Variants in BICRAL observed in about 807,000 individuals in gnomAD.
BICRAL encodes the protein BRD4-interacting chromatin-remodeling complex-associated protein-like.
BICRAL carries 8 observed loss-of-function variants against 91.8 expected under a neutral mutation model. The observed-to-expected ratio is 0.09, with a 90% CI of 0.05 to 0.16. The LOEUF (loss-of-function observed/expected upper bound fraction) is 0.16, where lower values mean the gene tolerates loss of function less well. Among genes scored for constraint, BICRAL ranks in the 10% least tolerant of loss-of-function variants. The pLI, the probability that BICRAL is intolerant of heterozygous loss-of-function variation, is 1.00. For missense variants in BICRAL, 1,038 were observed against 1,310.9 expected (o/e 0.79, Z 3.21); for synonymous variants, 445 against 491.1 (o/e 0.91, Z 1.24).
At chr6:42,819,029 C>T (rs181939941) in intron 2 of BICRAL, among the ~76,000 whole-genome samples, 1 of 152,290 alleles carries the variant, frequency 6.6e-6, no homozygotes, top group African/African-American at 2.4e-5. Context: ...GAGGGGAAGA[C>T]GTCTTGCTCA....
chr6:42,793,066 TGCCTCA>T (rs1315308171), intron 1 of BICRAL, among the ~76,000 whole-genome samples: 4 of 144,930 alleles, frequency 2.8e-5, no homozygotes, highest in Non-Finnish European at 6.0e-5. Context: ...GTGATTCTTG[TGCCTCA>T]GCCTCCCCAG....
At chr6:42,836,429 G>A (rs1764638607) in intron 6 of BICRAL, among the ~76,000 whole-genome samples, 1 of 152,168 alleles carries the variant, frequency 6.6e-6, no homozygotes, top group African/African-American at 2.4e-5. Flanking sequence ...TAGGTCAGTT[G>A]CATTATTTCA....
intron 1 of BICRAL, among the ~76,000 whole-genome samples, chr6:42,773,081 ATT>A (rs201696990): frequency 4.8e-5 from 7 of 144,536 alleles, no homozygotes; most frequent in Non-Finnish European, 4.6e-5. Context: ...GAGTGGAGCA[ATT>A]TTTTTTTTTT....
chr6:42,796,313 G>T (rs1307430308), intron 1 of BICRAL, among the ~76,000 whole-genome samples: 1 of 152,160 alleles, frequency 6.6e-6, no homozygotes, highest in East Asian at 1.9e-4. Context: ...TTAAGCCTGA[G>T]GATATCTGGA....
chr6:42,822,941 G>C lies in BICRAL; in HGVS notation c.97G>C (p.Asp33His). 6.2e-7 allele frequency: 1 copy of C among 1,609,822 alleles called. No individual in the cohort carries two copies. The highest frequency in any genetic ancestry group is 8.5e-7 in the Non-Finnish European group (1 of 1,176,246). The stretch of plus-strand genomic sequence containing the variant: ...TGAATTTGTATCTTTGCAGAGCAAT[G>C]ATGACTTGACTAATGCAGGATATTC... ...LHGPSNKSSN[D>H]DLTNAGYSAA... Residue 33 changes from aspartate (D) to histidine (H), a missense_variant, in exon 5 of 13, where the codon GAT becomes CAT. Asp to His is a moderately conservative substitution (Grantham distance 81, BLOSUM62 -1). Around this residue, in one of 5 missense-constraint regions of BICRAL, gnomAD observed 115 missense variants for 121.5 expected, o/e 0.95. Coordinates refer to ENST00000314073, the MANE Select transcript of BICRAL (RefSeq NM_001393499.1).
intron 1 of BICRAL, among the ~76,000 whole-genome samples, chr6:42,801,297 T>C (rs1243106927): frequency 6.6e-6 from 1 of 151,724 alleles, no homozygotes; most frequent in African/African-American, 2.4e-5. Flanking sequence ...CTACATTTTG[T>C]TTATAATTAC....
At chr6:42,749,858 CTTT>C (rs565514146) in intron 1 of BICRAL, among the ~76,000 whole-genome samples, 4 of 139,058 alleles carry the variant, frequency 2.9e-5, no homozygotes, top group Non-Finnish European at 3.1e-5. Context: ...TTGGGAGTTC[CTTT>C]TTTTTTTTTT....
intron 1 of BICRAL, among the ~76,000 whole-genome samples, chr6:42,800,277 C>T (rs1175184987): frequency 6.6e-6 from 1 of 152,086 alleles, no homozygotes; most frequent in Non-Finnish European, 1.5e-5. Context: ...GTTGGCCAGG[C>T]TGGTCTCCAA....
chr6:42,793,122 A>ATTTTTTTTTTT lies in BICRAL; in HGVS notation c.-102+11050_-102+11060dup, dbSNP rs1159342197. ...AAGCGCATGCCACCATGCCCAGCTA[A>ATTTTTTTTTTT]TTTTTTTTTTTTTTTTTTTTTTTTT... On this transcript the variant is annotated intron_variant, in intron 1 of 12. Coordinates refer to ENST00000314073, the MANE Select transcript of BICRAL (RefSeq NM_001393499.1). Among the ~76,000 whole-genome samples the ATTTTTTTTTTT allele has an allele frequency of 4.3e-4, 16 of 37,254 alleles. 5 individuals carry two copies. The highest frequency in any genetic ancestry group is 4.9e-4 in the Non-Finnish European group (10 of 20,498). 24.4% of individuals were successfully genotyped at this position (37,254 alleles called of 152,430 possible). A position where few individuals can be genotyped will look rare whatever the true frequency, so the allele number is the denominator to read the frequency against.
chr6:42,769,824 T>C (rs1175604126), intron 1 of BICRAL, among the ~76,000 whole-genome samples: 2 of 152,252 alleles, frequency 1.3e-5, no homozygotes, highest in Non-Finnish European at 2.9e-5. Context: ...AATACACTTA[T>C]ATTACAAACA....
At chr6:42,803,951 T>G (rs1763640204) in intron 1 of BICRAL, among the ~76,000 whole-genome samples, 1 of 152,260 alleles carries the variant, frequency 6.6e-6, no homozygotes, top group Non-Finnish European at 1.5e-5. Context: ...AGCATTTGTG[T>G]GTCTAAACCT....
At chr6:42,788,119 T>C (rs1253990259) in intron 1 of BICRAL, among the ~76,000 whole-genome samples, 2 of 151,952 alleles carry the variant, frequency 1.3e-5, no homozygotes, top group African/African-American at 4.8e-5. Context: ...AGAAGAAGGC[T>C]TTTCTTTTAA....
intron 1 of BICRAL, among the ~76,000 whole-genome samples, chr6:42,766,042 C>T (rs1762628712): frequency 6.6e-6 from 1 of 152,094 alleles, no homozygotes; most frequent in South Asian, 2.1e-4. Flanking sequence ...CTGGTAGAGA[C>T]AGGATTTTGC....
chr6:42,811,608 A>G (rs981284277), intron 2 of BICRAL, among the ~76,000 whole-genome samples: 1 of 150,276 alleles, frequency 6.7e-6, no homozygotes, highest in African/African-American at 2.5e-5. Flanking sequence ...TGACAGAGCG[A>G]GACTCCATCT....
At chr6:42,819,067 A>C (rs1764070583) in intron 2 of BICRAL, among the ~76,000 whole-genome samples, 1 of 152,130 alleles carries the variant, frequency 6.6e-6, no homozygotes, top group Admixed American at 6.6e-5. Flanking sequence ...AATAGTTTCC[A>C]ATCACTCATC....
chr6:42,783,195 C>T (rs868046326), intron 1 of BICRAL, among the ~76,000 whole-genome samples: 7 of 151,640 alleles, frequency 4.6e-5, no homozygotes, highest in Non-Finnish European at 7.4e-5. Context: ...CTGCCCCTTC[C>T]CAGCCGCCTC....
At chr6:42,814,519 A>ATATATATATATT (rs1237976324) in intron 2 of BICRAL, among the ~76,000 whole-genome samples, 7 of 80,212 alleles carry the variant, frequency 8.7e-5, no homozygotes, top group African/African-American at 2.0e-4. Context: ...ATATATATAT[A>ATATATATATATT]TTTTTTTTTT....
At chr6:42,784,965 C>G (rs1241887041) in intron 1 of BICRAL, among the ~76,000 whole-genome samples, 1 of 152,128 alleles carries the variant, frequency 6.6e-6, no homozygotes, top group Admixed American at 6.6e-5. Context: ...CTGTCTTGTA[C>G]TATGCTATGC....
At chr6:42,781,935 C>G (rs1762921774), upstream of BICRAL, 1 of 146,188 alleles carries the variant, frequency 6.8e-6, no homozygotes, top group Non-Finnish European at 1.5e-5. Context: ...CGCCCCGGCC[C>G]GGCGCGGGGG....
Sources: allele counts gnomAD v4.1 joint callset (sites outside exome capture counted in the v4.1 genomes callset), GRCh38; gene constraint gnomAD v4.1.1; regional missense constraint gnomAD v4.1.1; transcripts MANE v1.5; gene names NCBI Gene and HGNC (gene_info 2026-07-23, HGNC 2026-07-21).